Variants in BUB3 observed in about 807,000 individuals in gnomAD.
BUB3 encodes the protein mitotic checkpoint protein BUB3.
In BUB3, 22 loss-of-function variants were observed where a neutral mutation model predicts 39.9. The observed-to-expected ratio is 0.55, with a 90% CI of 0.39 to 0.79. The LOEUF is 0.79. Ranked by LOEUF, BUB3 falls within the 30% of genes least tolerant of loss-of-function variation. BUB3 has a pLI of 0.00. For missense variants in BUB3, 303 were observed against 415.4 expected, an observed-to-expected ratio of 0.73 and a Z score of 2.35; for synonymous variants, 168 against 155.1, an observed-to-expected ratio of 1.08 and a Z score of -0.62.
chr10:123,163,967 G>T lies in BUB3; in HGVS notation c.*132G>T, dbSNP rs1000612064. 3.0e-6 allele frequency: 4 copies of T among 1,320,168 alleles called. No individual in the cohort carries two copies. In the African/African-American group the frequency reaches 4.6e-5, roughly 15 times the overall value. The allele number at this position is 1,320,168 out of a possible 1,614,324, so 81.8% of individuals were successfully genotyped here. On this transcript the variant is annotated 3_prime_UTR_variant, in exon 8 of 8. Transcript: ENST00000368865. Reference sequence around the variant, plus strand: ...ATATTATAACAACCTGAAAATAATGGAAAAGAGGTTTTTGAATTTTTTTTT... The same window carrying T: ...ATATTATAACAACCTGAAAATAATGTAAAAGAGGTTTTTGAATTTTTTTTT...
At chr10:123,163,400 A>C (rs2133571201) in intron 7 of BUB3, among the ~76,000 whole-genome samples, 1 of 152,334 alleles carries the variant, frequency 6.6e-6, no homozygotes, top group Non-Finnish European at 1.5e-5. Flanking sequence ...CAACAGGGCA[A>C]AGCTTTTTAC....
At chr10:123,160,654 TC>T in intron 5 of BUB3, 89 bp downstream of exon 5, 1 of 1,219,314 alleles carries the variant, frequency 8.2e-7, no homozygotes, top group Non-Finnish European at 1.1e-6. Context: ...CCTAAAGCCT[TC>T]TTTTTTTTTT....
At position 123,164,710 on chromosome 10, in the gene BUB3, G is replaced by C; in HGVS notation, c.*875G>C. On this transcript the variant is annotated 3_prime_UTR_variant, in exon 8 of 8. Transcript: ENST00000368865. ...TTATATAGTTCTTATGTCCATTTCAGTTGACCAGCCGCTGGTGATTAAAGT... is the reference window on the plus strand; with the variant it reads ...TTATATAGTTCTTATGTCCATTTCACTTGACCAGCCGCTGGTGATTAAAGT... 9.5e-7 allele frequency: 1 copy of C among 1,054,980 alleles called. No homozygotes were observed. The allele number at this position is 1,054,980 out of a possible 1,614,324, so 65.4% of individuals were successfully genotyped here. A position where few individuals can be genotyped will look rare whatever the true frequency, so the allele number is the denominator to read the frequency against.
intron 3 of BUB3, among the ~76,000 whole-genome samples, chr10:123,156,753 G>GTTTTTTGTTTTTTTTTTTTTTTT (rs1844352719): frequency 1.5e-5 from 2 of 135,080 alleles, no homozygotes; most frequent in African/African-American, 5.6e-5. Context: ...TTTCTTTCTT[G>GTTTTTTGTTTTTTTTTTTTTTTT]TTTTTTTTTT....
rs558371795 is a variant in BUB3, at chr10:123,169,216, A to G, written c.*5381A>G. ...CGTACCTGTGGCTAAGATGCGCCTG[A>G]GCAAGTGAGGGCCAGTTAGTATACA... On this transcript the variant is annotated 3_prime_UTR_variant, in exon 8 of 8. Transcript: ENST00000368865. 1.3e-5 allele frequency: 2 copies of G among 152,394 alleles called. No individual in the cohort carries two copies. The highest frequency in any genetic ancestry group is 4.1e-4 in the South Asian group (2 of 4,834). The allele number at this position is 152,394 out of a possible 1,614,324, so 9.4% of individuals were successfully genotyped here.
chr10:123,160,797 T>C (rs1043083448), intron 5 of BUB3, among the ~76,000 whole-genome samples: 6 of 152,154 alleles, frequency 3.9e-5, no homozygotes, highest in African/African-American at 1.4e-4. Flanking sequence ...AGTAATCTGC[T>C]CAGGAAGTGG....
intron 4 of BUB3, 143 bp from the exon 5 acceptor site, chr10:123,160,264 G>A (rs1184920889): frequency 1.6e-6 from 1 of 631,314 alleles, no homozygotes; most frequent in Non-Finnish European, 2.6e-6. Flanking sequence ...AATAATTGCA[G>A]TATCTAAAAT....
chr10:123,160,263 AG>A, intron 4 of BUB3, 143 bp from the exon 5 acceptor site: 2 of 622,640 alleles, frequency 3.2e-6, no homozygotes, highest in Admixed American at 3.5e-5. Context: ...GAATAATTGC[AG>A]TATCTAAAAT....
At position 123,160,413 on chromosome 10, in the gene BUB3, A is replaced by G; in HGVS notation, c.424A>G (p.Thr142Ala). ...TTTTGATCTTTTTTAAAAGGTATAT[A>G]CCCTCTCAGTGTCTGGAGACCGGCT... The part of the protein sequence containing the change: ...GTFSQPEKVY[T>A]LSVSGDRLIV... The change falls in exon 5 of 8, where the codon ACC (threonine) becomes GCC (alanine). Residue 142 changes from threonine (T) to alanine (A), a missense_variant. Thr to Ala is a moderately conservative substitution (Grantham distance 58, BLOSUM62 0). Transcript: ENST00000368865. The G allele has an allele frequency of 6.3e-7, 1 of 1,596,430 alleles. No homozygotes were observed. Among genetic ancestry groups the G allele is most frequent in the Non-Finnish European group, 8.5e-7 (1 of 1,174,998 alleles).
intron 2 of BUB3, 27 bp downstream of exon 2, chr10:123,155,139 C>T: frequency 6.2e-7 from 1 of 1,607,186 alleles, no homozygotes. Flanking sequence ...CCTGCTCCTG[C>T]CCTCTTACTG....
chr10:123,162,206 C>T, intron 5 of BUB3, 30 bp from the exon 6 acceptor site: 1 of 1,585,932 alleles, frequency 6.3e-7, no homozygotes, highest in Non-Finnish European at 8.6e-7. Flanking sequence ...TGGAATTTAC[C>T]ATTTTTTTCC....
intron 2 of BUB3, 74 bp from the exon 3 acceptor site, chr10:123,155,584 T>C: frequency 7.1e-7 from 1 of 1,406,038 alleles, no homozygotes; most frequent in Non-Finnish European, 1.0e-6. Flanking sequence ...AACTGAACAC[T>C]TGCTTGTAGA....
chr10:123,160,652 C>A, intron 5 of BUB3, 87 bp downstream of exon 5: 1 of 1,220,868 alleles, frequency 8.2e-7, no homozygotes, highest in Non-Finnish European at 1.1e-6. Flanking sequence ...CCCCTAAAGC[C>A]TTCTTTTTTT....
In BUB3 at chr10:123,164,790, A is replaced by G; in HGVS notation, c.*955A>G. The stretch of plus-strand genomic sequence containing the variant: ...GATTCATTTCAATGTAATGCACTAA[A>G]GCAGAACACGAACTTAGCTTGGCCT... On this transcript the variant is annotated 3_prime_UTR_variant, in exon 8 of 8. Transcript: ENST00000368865. The G allele has an allele frequency of 2.4e-6, 3 of 1,245,706 alleles. No homozygotes were observed. The highest frequency in any genetic ancestry group is 3.0e-6 in the Non-Finnish European group (3 of 992,550). 77.2% of individuals were successfully genotyped at this position (1,245,706 alleles called of 1,614,324 possible). A position where few individuals can be genotyped will look rare whatever the true frequency, so the allele number is the denominator to read the frequency against.
Position 123,164,853 on chromosome 10 carries a change from C to G in BUB3, c.*1018C>G. On this transcript the variant is annotated 3_prime_UTR_variant, in exon 8 of 8. Transcript: ENST00000368865. ...TCCAAATAGTATTTTTGTTGTCAAA[C>G]TTTAAAATTTATATTAATTTGCAAA... is the stretch of plus-strand genomic sequence containing the variant. 6 of 1,354,190 alleles carry G rather than the reference C, an allele frequency of 4.4e-6. No individual in the cohort carries two copies. In the East Asian group the frequency reaches 1.6e-4, roughly 36 times the overall value. The allele number at this position is 1,354,190 out of a possible 1,614,324, so 83.9% of individuals were successfully genotyped here.
At position 123,157,712 on chromosome 10, in the gene BUB3, T is replaced by C. The variant is rs1844367644; in HGVS notation, c.266-17T>C. The C allele has an allele frequency of 3.9e-6, 6 of 1,524,460 alleles. No individual in the cohort carries two copies. In the Admixed American group the frequency reaches 6.1e-5, roughly 15 times the overall value. 94.4% of individuals were successfully genotyped at this position (1,524,460 alleles called of 1,614,324 possible). A position where few individuals can be genotyped will look rare whatever the true frequency, so the allele number is the denominator to read the frequency against. On this transcript the variant is annotated splice_polypyrimidine_tract_variant and intron_variant, in intron 3 of 7. Transcript: ENST00000368865. Reference sequence around the variant, plus strand: ...AGCTAGATGTTGGGGTTTTTTCCCCTTTTTTTTTCTCTATAGAAAATCTTG... The same window carrying C: ...AGCTAGATGTTGGGGTTTTTTCCCCCTTTTTTTTCTCTATAGAAAATCTTG...
chr10:123,161,776 G>A (rs1042547178), intron 5 of BUB3, among the ~76,000 whole-genome samples: 1 of 152,236 alleles, frequency 6.6e-6, no homozygotes, highest in Non-Finnish European at 1.5e-5. Context: ...AATGCAAGAA[G>A]TAGTATGACT....
In BUB3 at chr10:123,164,425, T is replaced by C; in HGVS notation, c.*590T>C. 1.0e-6 allele frequency: 1 copy of C among 985,650 alleles called. No individual in the cohort carries two copies. The highest frequency in any genetic ancestry group is 1.1e-4 in the East Asian group (1 of 8,824). 61.1% of individuals were successfully genotyped at this position (985,650 alleles called of 1,614,324 possible). Reference sequence around the variant, plus strand: ...CAGCTAGTTTTCAATCTTATTAGGGTGCAGAAGGAAAACTAATAAGAAAAC... The same window carrying C: ...CAGCTAGTTTTCAATCTTATTAGGGCGCAGAAGGAAAACTAATAAGAAAAC... On this transcript the variant is annotated 3_prime_UTR_variant, in exon 8 of 8. Transcript: ENST00000368865.
intron 2 of BUB3, among the ~76,000 whole-genome samples, 195 bp downstream of exon 2, chr10:123,155,307 C>T (rs975112825): frequency 1.1e-4 from 17 of 152,228 alleles, no homozygotes; most frequent in Non-Finnish European, 2.4e-4. Flanking sequence ...GAAACTCCGT[C>T]TCCCCTTTTC....
Sources: gnomAD v4.1 joint callset for allele counts (sites outside exome capture counted in the v4.1 genomes callset) on GRCh38, gnomAD v4.1.1 for gene constraint, MANE v1.5 for transcripts, NCBI Gene and HGNC (gene_info 2026-07-23, HGNC 2026-07-21) for gene names.